The following WWOX variants were observed in gnomAD, a reference collection of about 807,000 sequenced individuals.
WWOX encodes WW domain containing oxidoreductase, also known as WW domain-containing oxidoreductase.
A neutral mutation model predicts 46.2 loss-of-function variants in WWOX; 69 were observed. The observed-to-expected ratio is 1.49, with a 90% CI of 1.23 to 1.82. The LOEUF (loss-of-function observed/expected upper bound fraction) is 1.82, where lower values mean the gene tolerates loss of function less well. WWOX is among the 40% of genes most tolerant of loss of function. The pLI is 0.00. For synonymous variants in WWOX, 359 were observed against 202.6 expected, an observed-to-expected ratio of 1.77 and a Z score of -6.56; for missense variants, 919 against 542.6, an observed-to-expected ratio of 1.69 and a Z score of -6.89.
At chr16:78,649,004 C>A (rs554988305) in intron 8 of WWOX, among the ~76,000 whole-genome samples, 1 of 152,080 alleles carries the variant, frequency 6.6e-6, no homozygotes, top group Non-Finnish European at 1.5e-5. Flanking sequence ...GAGGGAGTCT[C>A]GCTCTGTCAC....
intron 8 of WWOX, among the ~76,000 whole-genome samples, chr16:79,072,324 G>A (rs1373909664): frequency 1.3e-5 from 2 of 152,004 alleles, no homozygotes; most frequent in Non-Finnish European, 2.9e-5. Flanking sequence ...CCTATCATAT[G>A]CATTCTCAAC....
rs13335727 is a variant in WWOX, at chr16:78,211,318, C to G, written c.516+47029C>G. On this transcript the variant is annotated intron_variant, in intron 5 of 8. Transcript: ENST00000566780. ...CGTCACAAGGAGTCCAGAGGCATGGCTTTGAAGAGCTCTTTTCATTCATTC... is the reference window on the plus strand; with the variant it reads ...CGTCACAAGGAGTCCAGAGGCATGGGTTTGAAGAGCTCTTTTCATTCATTC... Among the ~76,000 whole-genome samples, 1,105 of 152,268 alleles carry G rather than the reference C, an allele frequency of 7.3e-3. 7 individuals carry two copies. Among genetic ancestry groups the G allele is most frequent in the African/African-American group, 0.025 (1,037 of 41,550 alleles).
intron 8 of WWOX, among the ~76,000 whole-genome samples, chr16:78,639,361 G>A (rs1361434850): frequency 6.6e-6 from 1 of 152,126 alleles, no homozygotes; most frequent in Non-Finnish European, 1.5e-5. Flanking sequence ...ATGACTTCAT[G>A]GGAACCTCAT....
chr16:78,726,291 C>T (rs1022781039), intron 8 of WWOX, among the ~76,000 whole-genome samples: 20 of 151,410 alleles, frequency 1.3e-4, no homozygotes, highest in African/African-American at 4.6e-4. Context: ...GTGGCATGAT[C>T]ACGGTTCACT....
intron 8 of WWOX, among the ~76,000 whole-genome samples, chr16:78,648,525 C>G (rs1274466089): frequency 6.6e-6 from 1 of 152,190 alleles, no homozygotes; most frequent in Admixed American, 6.5e-5. Flanking sequence ...GACCCACAAG[C>G]TCTGGAGCAG....
chr16:78,999,998 G>C (rs1194557923), intron 8 of WWOX, among the ~76,000 whole-genome samples: 1 of 151,946 alleles, frequency 6.6e-6, no homozygotes, highest in East Asian at 1.9e-4. Flanking sequence ...TGGCATCTAT[G>C]ATCTTAGATT....
chr16:79,091,328 A>G (rs1290408242), intron 8 of WWOX, among the ~76,000 whole-genome samples: 1 of 151,858 alleles, frequency 6.6e-6, no homozygotes, highest in Admixed American at 6.6e-5. Flanking sequence ...ATCCCAGTGC[A>G]TGAAATTTTT....
At chr16:78,598,589 C>G (rs1042100002) in intron 8 of WWOX, among the ~76,000 whole-genome samples, 1 of 152,170 alleles carries the variant, frequency 6.6e-6, no homozygotes, top group African/African-American at 2.4e-5. Context: ...GTGACGCCAA[C>G]ACACCTCCTG....
chr16:78,354,915 C>T (rs2081253576), intron 5 of WWOX, among the ~76,000 whole-genome samples: 2 of 152,112 alleles, frequency 1.3e-5, no homozygotes, highest in South Asian at 4.2e-4. Context: ...GAGGAGACCA[C>T]CTGAGGTCAG....
intron 8 of WWOX, among the ~76,000 whole-genome samples, chr16:78,758,161 C>T (rs955066001): frequency 3.3e-5 from 5 of 152,026 alleles, no homozygotes; most frequent in Non-Finnish European, 4.4e-5. Flanking sequence ...GTTCTATTTC[C>T]ATCGTAAAGG....
intron 5 of WWOX, among the ~76,000 whole-genome samples, chr16:78,180,697 G>A (rs543197994): frequency 6.6e-6 from 1 of 151,758 alleles, no homozygotes; most frequent in East Asian, 2.0e-4. Context: ...GGGCCAGTGG[G>A]TAAATCCAGC....
intron 8 of WWOX, among the ~76,000 whole-genome samples, chr16:78,711,141 T>C (rs2048436638): frequency 6.6e-6 from 1 of 152,150 alleles, no homozygotes; most frequent in South Asian, 2.1e-4. Context: ...GGTGGGACCT[T>C]CTTTGTGTCC....
intron 5 of WWOX, among the ~76,000 whole-genome samples, chr16:78,218,858 T>G (rs897700276): frequency 3.3e-5 from 5 of 152,266 alleles, no homozygotes; most frequent in African/African-American, 1.2e-4. Context: ...CTAATTGTTT[T>G]TAAACTGCCA....
intron 8 of WWOX, among the ~76,000 whole-genome samples, chr16:78,502,434 A>G (rs1379631267): frequency 6.6e-6 from 1 of 152,198 alleles, no homozygotes; most frequent in Non-Finnish European, 1.5e-5. Context: ...ATAGAGTGAT[A>G]TGTTAGTCGT....
At chr16:78,781,503 A>G (rs2050323621) in intron 8 of WWOX, among the ~76,000 whole-genome samples, 1 of 152,200 alleles carries the variant, frequency 6.6e-6, no homozygotes, top group Admixed American at 6.5e-5. Context: ...TACTAGGTAT[A>G]GACATTATGA....
chr16:78,695,210 C>T (rs2048073167), intron 8 of WWOX, among the ~76,000 whole-genome samples: 1 of 151,986 alleles, frequency 6.6e-6, no homozygotes, highest in Non-Finnish European at 1.5e-5. Flanking sequence ...AGTATTAGTT[C>T]CCTTTTGTTA....
chr16:78,255,585 G>A (rs1214657896), intron 5 of WWOX, among the ~76,000 whole-genome samples: 1 of 151,952 alleles, frequency 6.6e-6, no homozygotes, highest in Non-Finnish European at 1.5e-5. Context: ...ATGTCTTTTG[G>A]GGAAGGCGAG....
At chr16:79,081,132 C>G (rs553195618) in intron 8 of WWOX, among the ~76,000 whole-genome samples, 25 of 152,172 alleles carry the variant, frequency 1.6e-4, no homozygotes, top group African/African-American at 5.8e-4. Flanking sequence ...ATAAGAAAAT[C>G]GAGATCCAGT....
intron 8 of WWOX, among the ~76,000 whole-genome samples, chr16:78,750,623 C>G (rs1165381546): frequency 6.6e-6 from 1 of 152,036 alleles, no homozygotes; most frequent in Non-Finnish European, 1.5e-5. Context: ...GGTAGTTTTT[C>G]AATCCTTTTC....
Sources: gnomAD v4.1 joint callset for allele counts (sites outside exome capture counted in the v4.1 genomes callset) on GRCh38, gnomAD v4.1.1 for gene constraint, MANE v1.5 for transcripts, NCBI Gene and HGNC (gene_info 2026-07-23, HGNC 2026-07-21) for gene names.